Variants in SYN3 observed in about 807,000 individuals in gnomAD.
The protein encoded by SYN3 is synapsin-3.
In SYN3, 35 loss-of-function variants were observed where a neutral mutation model predicts 65.8. That is an observed-to-expected ratio of 0.53 (90% CI 0.41 to 0.70). The LOEUF (loss-of-function observed/expected upper bound fraction) is 0.70. Ranked by LOEUF, SYN3 falls within the 30% of genes least tolerant of loss-of-function variation. The pLI, the probability that SYN3 is intolerant of heterozygous loss-of-function variation, is 0.00. For missense variants in SYN3, 680 were observed against 749.0 expected (o/e 0.91, Z 1.08); for synonymous variants, 270 against 292.9 (o/e 0.92, Z 0.80).
chr22:32,895,207 TTAA>T (rs2049558048), intron 4 of SYN3, among the ~76,000 whole-genome samples: 1 of 152,182 alleles, frequency 6.6e-6, no homozygotes, highest in African/African-American at 2.4e-5. Flanking sequence ...GAATGAGTAA[TTAA>T]TAATTTTTAT....
At chr22:32,786,015 GAAGAAAAAA>G (rs1298395173) in intron 6 of SYN3, among the ~76,000 whole-genome samples, 1 of 145,652 alleles carries the variant, frequency 6.9e-6, no homozygotes, top group Middle Eastern at 3.4e-3. Flanking sequence ...AGAAGAAGAA[GAAGAAAAAA>G]AAAATACAGC....
chr22:32,786,586 T>C (rs1288554385), intron 6 of SYN3, among the ~76,000 whole-genome samples: 1 of 151,912 alleles, frequency 6.6e-6, no homozygotes, highest in African/African-American at 2.4e-5. Context: ...ATGGTCTCGA[T>C]CTCCTGACCT....
At chr22:32,524,706 A>G (rs1402423571) in intron 12 of SYN3, among the ~76,000 whole-genome samples, 1 of 152,192 alleles carries the variant, frequency 6.6e-6, no homozygotes, top group East Asian at 1.9e-4. Context: ...ATCTGAGGTC[A>G]TATTATTTTA....
Position 32,837,937 on chromosome 22 carries a change from G to A in SYN3, c.711+26978C>T, listed in dbSNP as rs935768034. On this transcript the variant is annotated intron_variant, in intron 6 of 13. Transcript: ENST00000358763. This position sits in a 1 kb window ranked among gnomAD's most constrained non-coding sequence, Gnocchi z 4.1. ...CCGGGCCTCTGCCCAACCATGACCA[G>A]AAGGTCCTCTCCTTTCTCTTTCTCT... Among the ~76,000 whole-genome samples the A allele has an allele frequency of 3.9e-5, 6 of 152,180 alleles. No individual in the cohort carries two copies. The highest frequency in any genetic ancestry group is 7.3e-5 in the Non-Finnish European group (5 of 68,032).
chr22:32,571,256 C>T (rs547297201), intron 7 of SYN3, among the ~76,000 whole-genome samples: 2 of 152,280 alleles, frequency 1.3e-5, no homozygotes, highest in South Asian at 2.1e-4. Flanking sequence ...TTTCTCTCCT[C>T]CTTTGACTTT....
At chr22:33,057,035 A>T (rs2054265518) in intron 1 of SYN3, among the ~76,000 whole-genome samples, 1 of 152,226 alleles carries the variant, frequency 6.6e-6, no homozygotes, top group South Asian at 2.1e-4. Context: ...CAAGCATTAC[A>T]CGGGCAGCAT....
chr22:32,541,837 G>C (rs1480992371), intron 7 of SYN3, 124 bp from the exon 8 acceptor site: 4 of 1,146,592 alleles, frequency 3.5e-6, no homozygotes, highest in Non-Finnish European at 4.9e-6. Flanking sequence ...TGCTGGCAGG[G>C]GAGACAGACA....
At chr22:32,882,011 T>C (rs1293234354) in intron 4 of SYN3, among the ~76,000 whole-genome samples, 3 of 149,666 alleles carry the variant, frequency 2.0e-5, no homozygotes, top group South Asian at 4.2e-4. Flanking sequence ...GCCGAGATCA[T>C]GCCACTGCAC....
chr22:32,750,695 C>T (rs921069340), intron 6 of SYN3, among the ~76,000 whole-genome samples: 19 of 152,210 alleles, frequency 1.2e-4, no homozygotes, highest in South Asian at 4.1e-4. Context: ...GTGGCTGCAT[C>T]GAAGGGTGAG....
At chr22:32,665,619 C>T (rs1283822633) in intron 6 of SYN3, among the ~76,000 whole-genome samples, 2 of 151,994 alleles carry the variant, frequency 1.3e-5, no homozygotes, top group Admixed American at 1.3e-4. Context: ...AATTTAATCA[C>T]GCGCTCTTCT....
intron 3 of SYN3, among the ~76,000 whole-genome samples, chr22:32,962,995 GTATATGTATATATACATT>G: frequency 6.7e-6 from 1 of 149,770 alleles, no homozygotes; most frequent in South Asian, 2.1e-4. Flanking sequence ...GTATATGTAT[GTATATGTATATATACATT>G]TATATAGAGA....
intron 1 of SYN3, among the ~76,000 whole-genome samples, chr22:33,048,507 T>C (rs2054106121): frequency 6.6e-6 from 1 of 152,138 alleles, no homozygotes; most frequent in African/African-American, 2.4e-5. Context: ...TGGCTTGGTG[T>C]CCTCCCCTTG....
intron 6 of SYN3, among the ~76,000 whole-genome samples, chr22:32,797,971 G>A (rs990182579): frequency 2.6e-5 from 4 of 152,174 alleles, no homozygotes; most frequent in African/African-American, 9.7e-5. Flanking sequence ...CAGCTATTCT[G>A]CAACATTGGG....
intron 4 of SYN3, among the ~76,000 whole-genome samples, chr22:32,894,319 C>G (rs2146492245): frequency 6.6e-6 from 1 of 152,372 alleles, no homozygotes. Flanking sequence ...ACTACTGATT[C>G]TGTGACTTTG....
At chr22:32,965,158 T>C (rs1035402617) in intron 3 of SYN3, among the ~76,000 whole-genome samples, 13 of 152,090 alleles carry the variant, frequency 8.5e-5, no homozygotes, top group Admixed American at 2.6e-4. Flanking sequence ...GTGATGAAAA[T>C]TAAATGTATA....
chr22:32,527,258 A>T (rs2057993609), intron 12 of SYN3, among the ~76,000 whole-genome samples: 1 of 152,212 alleles, frequency 6.6e-6, no homozygotes, highest in Admixed American at 6.5e-5. Context: ...GAAAGGTCTG[A>T]AAGGCCAGAC....
intron 1 of SYN3, among the ~76,000 whole-genome samples, chr22:33,033,547 C>A (rs189639879): frequency 6.6e-6 from 1 of 152,220 alleles, no homozygotes; most frequent in East Asian, 1.9e-4. Flanking sequence ...TGTCAGACTC[C>A]CCCATGGAAT....
intron 3 of SYN3, among the ~76,000 whole-genome samples, chr22:32,932,610 T>C (rs949055348): frequency 2.6e-5 from 4 of 152,180 alleles, no homozygotes; most frequent in Non-Finnish European, 4.4e-5. Flanking sequence ...GCTACAGACC[T>C]ACCTTTGGAT....
intron 6 of SYN3, among the ~76,000 whole-genome samples, chr22:32,814,755 G>A (rs972021549): frequency 2.0e-5 from 3 of 152,096 alleles, no homozygotes; most frequent in Non-Finnish European, 2.9e-5. Context: ...TCTGAGAAGA[G>A]TTTCTTACTG....
Sources: gnomAD v4.1 joint callset for allele counts (sites outside exome capture counted in the v4.1 genomes callset) on GRCh38, gnomAD v4.1.1 for gene constraint, Gnocchi (gnomAD v3.1) non-coding constraint, MANE v1.5 for transcripts, NCBI Gene and HGNC (gene_info 2026-07-23, HGNC 2026-07-21) for gene names.